Variants in FRMD5 observed in about 807,000 individuals in gnomAD.
FRMD5 encodes the protein FERM domain-containing protein 5.
In FRMD5, 20 loss-of-function variants were observed where a neutral mutation model predicts 69.0. The observed-to-expected ratio is 0.29, with a 90% confidence interval of 0.20 to 0.42. The LOEUF (loss-of-function observed/expected upper bound fraction) is 0.42. Among genes scored for constraint, FRMD5 ranks in the 10% least tolerant of loss-of-function variants. The pLI is 1.00. For synonymous variants in FRMD5, 271 were observed against 260.1 expected (o/e 1.04, Z -0.40); for missense variants, 595 against 708.6 (o/e 0.84, Z 1.82).
chr15:44,028,786 C>T (rs1891550492), intron 1 of FRMD5, among the ~76,000 whole-genome samples: 2 of 152,150 alleles, frequency 1.3e-5, no homozygotes, highest in Non-Finnish European at 2.9e-5. Flanking sequence ...GATGAGGGAC[C>T]TTGCCCCTGA....
intron 1 of FRMD5, among the ~76,000 whole-genome samples, chr15:43,955,193 G>A (rs1479753641): frequency 6.6e-6 from 1 of 152,206 alleles, no homozygotes; most frequent in African/African-American, 2.4e-5. Context: ...TTTGTGCACA[G>A]GGATGTAACC....
At chr15:44,003,996 T>A (rs1422347218) in intron 1 of FRMD5, among the ~76,000 whole-genome samples, 18 of 152,350 alleles carry the variant, frequency 1.2e-4, no homozygotes, top group Admixed American at 3.9e-4. Context: ...GTTAAATGAA[T>A]AAATTATTAG....
At chr15:44,091,640 T>G (rs1457501976) in intron 1 of FRMD5, among the ~76,000 whole-genome samples, 2 of 152,212 alleles carry the variant, frequency 1.3e-5, no homozygotes, top group Non-Finnish European at 2.9e-5. Flanking sequence ...TAGTGCTAAG[T>G]TCCAGAAGGA....
At chr15:44,157,548 C>A (rs1481225310) in intron 1 of FRMD5, among the ~76,000 whole-genome samples, 1 of 152,178 alleles carries the variant, frequency 6.6e-6, no homozygotes, top group East Asian at 1.9e-4. Flanking sequence ...ATCACACTAT[C>A]AAGCAATTAA....
intron 1 of FRMD5, among the ~76,000 whole-genome samples, chr15:43,941,917 C>T (rs1007395950): frequency 2.0e-5 from 3 of 152,146 alleles, no homozygotes; most frequent in African/African-American, 7.2e-5. Flanking sequence ...TTTCTTACCT[C>T]TAAGATTCTT....
chr15:43,958,429 G>GT (rs549906254), intron 1 of FRMD5, among the ~76,000 whole-genome samples: 1 of 152,014 alleles, frequency 6.6e-6, no homozygotes, highest in African/African-American at 2.4e-5. Flanking sequence ...TTGTTTTTTT[G>GT]TTTTTTTGTT....
At chr15:44,194,214 T>C (rs1455246685) in intron 1 of FRMD5, 1 of 152,286 alleles carries the variant, frequency 6.6e-6, no homozygotes, top group East Asian at 1.9e-4. Context: ...AAAGAAATGC[T>C]GTTGAGCATT....
chr15:43,896,869 C>T (rs866988317), intron 7 of FRMD5, among the ~76,000 whole-genome samples: 13 of 152,166 alleles, frequency 8.5e-5, no homozygotes, highest in Admixed American at 5.2e-4. Flanking sequence ...GTACCAGATA[C>T]GCCCATTTCT....
chr15:44,028,721 C>T (rs1331657908), intron 1 of FRMD5, among the ~76,000 whole-genome samples: 2 of 152,108 alleles, frequency 1.3e-5, no homozygotes, highest in African/African-American at 4.8e-5. Flanking sequence ...GAGCAAGCAG[C>T]CTACAGCCAC....
At chr15:43,878,857 A>G (rs1000343228) in intron 13 of FRMD5, among the ~76,000 whole-genome samples, 5 of 151,874 alleles carry the variant, frequency 3.3e-5, no homozygotes, top group African/African-American at 1.2e-4. Flanking sequence ...CTGGAGCCAC[A>G]TCATACTGGG....
In FRMD5 at chr15:44,174,627, G is replaced by A. The variant is rs140998345; in HGVS notation, c.102+20326C>T. ...TAGTTTCCATATACTACTTTTCAAT[G>A]TAAAAGAAAATTTTTAAAATATTTA... On this transcript the variant is annotated intron_variant, in intron 1 of 13. Transcript: ENST00000417257. 3.9e-3 allele frequency among the ~76,000 whole-genome samples: 597 copies of A among 152,226 alleles called. 5 individuals carry two copies. The highest frequency in any genetic ancestry group is 0.013 in the African/African-American group (559 of 41,536).
chr15:44,197,447 G>T (rs1443165292), upstream of FRMD5, among the ~76,000 whole-genome samples: 2 of 151,868 alleles, frequency 1.3e-5, no homozygotes, highest in Admixed American at 6.6e-5. Context: ...ACTTTAGGAG[G>T]CCGAGGTGGG....
chr15:44,054,798 G>A (rs947468548), intron 1 of FRMD5, among the ~76,000 whole-genome samples: 4 of 151,742 alleles, frequency 2.6e-5, no homozygotes, highest in African/African-American at 4.8e-5. Context: ...CTGGCTGGGC[G>A]CAGTGGCTCA....
At chr15:44,194,555 G>C (rs952686036) in intron 1 of FRMD5, 2 of 308,854 alleles carry the variant, frequency 6.5e-6, no homozygotes, top group Non-Finnish European at 1.2e-5. Context: ...GTCCTTGCCC[G>C]GGCAGAGAGC....
chr15:43,986,396 A>G (rs1889394291), intron 1 of FRMD5, among the ~76,000 whole-genome samples: 1 of 152,250 alleles, frequency 6.6e-6, no homozygotes, highest in Admixed American at 6.5e-5. Context: ...CTGTGAGATT[A>G]TTGACATTGC....
intron 1 of FRMD5, among the ~76,000 whole-genome samples, chr15:43,991,204 T>A (rs1008283980): frequency 1.3e-5 from 2 of 152,234 alleles, no homozygotes; most frequent in Non-Finnish European, 2.9e-5. Context: ...CCAATTATTT[T>A]TGAGCACTGT....
At chr15:43,954,020 T>A (rs374848277) in intron 1 of FRMD5, among the ~76,000 whole-genome samples, 1 of 152,276 alleles carries the variant, frequency 6.6e-6, no homozygotes, top group South Asian at 2.1e-4. Flanking sequence ...TATGAAAAAG[T>A]TCTGTGCTAC....
intron 1 of FRMD5, among the ~76,000 whole-genome samples, chr15:44,089,330 A>G (rs1894336453): frequency 6.6e-6 from 1 of 152,172 alleles, no homozygotes; most frequent in Non-Finnish European, 1.5e-5. Context: ...TTTTAAGTAT[A>G]TGTGTAATGT....
chr15:44,190,227 G>A (rs972560450), intron 1 of FRMD5, among the ~76,000 whole-genome samples: 2 of 152,170 alleles, frequency 1.3e-5, no homozygotes, highest in Admixed American at 1.3e-4. Context: ...TATCAAAGGT[G>A]AATTCAACTT....
Sources: gnomAD v4.1 joint callset for allele counts (sites outside exome capture counted in the v4.1 genomes callset) on GRCh38, gnomAD v4.1.1 for gene constraint, MANE v1.5 for transcripts, NCBI Gene and HGNC (gene_info 2026-07-23, HGNC 2026-07-21) for gene names.